Variants in PTPRN2 observed in about 807,000 individuals in gnomAD.
PTPRN2 encodes receptor-type tyrosine-protein phosphatase N2.
In PTPRN2, 74 loss-of-function variants were observed where a neutral mutation model predicts 118.8. The observed-to-expected ratio is 0.62, with a 90% CI of 0.52 to 0.76. The LOEUF (loss-of-function observed/expected upper bound fraction) is 0.76. Ranked by LOEUF, PTPRN2 falls within the 30% of genes least tolerant of loss-of-function variation. The pLI is 0.00. For missense variants in PTPRN2, 1,481 were observed against 1,394.4 expected (o/e 1.06, Z -0.99); for synonymous variants, 641 against 608.0 (o/e 1.05, Z -0.80).
chr7:157,825,158 G>T (rs1449189477), intron 12 of PTPRN2, among the ~76,000 whole-genome samples: 2 of 152,176 alleles, frequency 1.3e-5, no homozygotes, highest in Admixed American at 1.3e-4. Flanking sequence ...CTTGAAGCTG[G>T]ACATGCGACT....
intron 3 of PTPRN2, among the ~76,000 whole-genome samples, chr7:158,248,290 G>C (rs529562232): frequency 6.6e-6 from 1 of 152,060 alleles, no homozygotes; most frequent in East Asian, 1.9e-4. Flanking sequence ...GTAAGAAGCC[G>C]CTGAGCTGCC....
intron 1 of PTPRN2, among the ~76,000 whole-genome samples, chr7:158,566,971 C>T (rs558465767): frequency 6.6e-6 from 1 of 152,302 alleles, no homozygotes; most frequent in South Asian, 2.1e-4. Flanking sequence ...ACCTCAGCCT[C>T]CCAAAGTGCT....
At chr7:158,097,789 G>A (rs1296363897) in intron 10 of PTPRN2, among the ~76,000 whole-genome samples, 2 of 151,832 alleles carry the variant, frequency 1.3e-5, no homozygotes, top group Non-Finnish European at 2.9e-5. Flanking sequence ...GATGTCATAA[G>A]AAATAATGGG....
At chr7:157,723,889 C>T (rs1799380843) in intron 12 of PTPRN2, among the ~76,000 whole-genome samples, 1 of 152,246 alleles carries the variant, frequency 6.6e-6, no homozygotes, top group African/African-American at 2.4e-5. Flanking sequence ...GCACACAACG[C>T]TCAGAGCAGA....
Position 157,893,641 on chromosome 7 carries a change from T to C in PTPRN2, c.1788+5032A>G, listed in dbSNP as rs1480313719. Among the ~76,000 whole-genome samples the C allele has an allele frequency of 1.3e-5, 2 of 152,126 alleles. No homozygotes were observed. The highest frequency in any genetic ancestry group is 4.8e-5 in the African/African-American group (2 of 41,426). Reference sequence around the variant, plus strand: ...ATCAAGAGCCCTGCGTGGCCCACTTTAAGTGTGAGGCTCCTCTACAGATCT... The same window carrying C: ...ATCAAGAGCCCTGCGTGGCCCACTTCAAGTGTGAGGCTCCTCTACAGATCT... On this transcript the variant is annotated intron_variant, in intron 12 of 22. Transcript: ENST00000389418. The surrounding 1 kb of genome is among the most constrained non-coding windows in gnomAD (Gnocchi z 4.0).
At chr7:158,334,412 A>ATAGACGTCACTCAC (rs1805159432) in intron 2 of PTPRN2, among the ~76,000 whole-genome samples, 1 of 2,032 alleles carries the variant, frequency 4.9e-4, no homozygotes, top group African/African-American at 3.1e-3. Flanking sequence ...TAAGAGGTGA[A>ATAGACGTCACTCAC]ACCTGCAGAC....
intron 2 of PTPRN2, among the ~76,000 whole-genome samples, chr7:158,378,668 C>T (rs1810731776): frequency 6.6e-6 from 1 of 151,438 alleles, no homozygotes; most frequent in Admixed American, 6.6e-5. Context: ...CTTTGGAGTC[C>T]AGCACACTCC....
intron 12 of PTPRN2, among the ~76,000 whole-genome samples, chr7:157,714,282 T>C (rs1266158975): frequency 2.6e-5 from 4 of 152,210 alleles, no homozygotes; most frequent in Non-Finnish European, 5.9e-5. Context: ...TTACTGTCAG[T>C]ATAGTACAGT....
chr7:157,672,927 C>T (rs374546434), intron 13 of PTPRN2, among the ~76,000 whole-genome samples: 3 of 152,312 alleles, frequency 2.0e-5, no homozygotes, highest in South Asian at 4.1e-4. Context: ...CTAGCACAGA[C>T]CCAGACACTC....
chr7:157,922,738 G>A (rs1043033497), intron 11 of PTPRN2, among the ~76,000 whole-genome samples: 22 of 152,166 alleles, frequency 1.4e-4, no homozygotes, highest in African/African-American at 5.3e-4. Context: ...CAAGCTCGAT[G>A]TCACGGCACG....
intron 12 of PTPRN2, among the ~76,000 whole-genome samples, chr7:157,704,124 C>T (rs886739077): frequency 1.3e-5 from 2 of 152,184 alleles, no homozygotes; most frequent in African/African-American, 2.4e-5. Context: ...GCCCAGTATA[C>T]ACTGCCATGG....
chr7:158,405,288 C>T (rs1037145156), intron 2 of PTPRN2, among the ~76,000 whole-genome samples: 7 of 152,154 alleles, frequency 4.6e-5, no homozygotes, highest in African/African-American at 1.2e-4. Flanking sequence ...AACACCTAGA[C>T]GAAGGTCAGG....
chr7:157,692,491 C>G (rs1019142244), intron 12 of PTPRN2, among the ~76,000 whole-genome samples: 1 of 152,220 alleles, frequency 6.6e-6, no homozygotes, highest in African/African-American at 2.4e-5. Context: ...GATATGAGTA[C>G]GGTGCCGTCC....
At chr7:158,301,365 G>A (rs1800877575) in intron 3 of PTPRN2, among the ~76,000 whole-genome samples, 1 of 152,156 alleles carries the variant, frequency 6.6e-6, no homozygotes, top group South Asian at 2.1e-4. Context: ...GCATTAATAT[G>A]CGCTCAATTG....
At chr7:158,341,943 T>C (rs1371987192) in intron 2 of PTPRN2, among the ~76,000 whole-genome samples, 3 of 124,876 alleles carry the variant, frequency 2.4e-5, no homozygotes, top group Non-Finnish European at 3.3e-5. Context: ...ATTCTCACCA[T>C]AAGAGCTGTC....
chr7:157,731,569 A>T (rs1166009229), intron 12 of PTPRN2, among the ~76,000 whole-genome samples: 2 of 125,424 alleles, frequency 1.6e-5, no homozygotes, highest in African/African-American at 2.9e-5. Flanking sequence ...CCATGCGCCC[A>T]GCACAGTTAC....
chr7:157,642,833 A>AAAAAAC (rs1804770389), intron 14 of PTPRN2, among the ~76,000 whole-genome samples: 1 of 146,550 alleles, frequency 6.8e-6, no homozygotes, highest in Non-Finnish European at 1.5e-5. Context: ...AAAAAAAAAA[A>AAAAAAC]AAAAAAAAAA....
At chr7:157,817,984 GAT>G (rs959172706) in intron 12 of PTPRN2, among the ~76,000 whole-genome samples, 5 of 152,028 alleles carry the variant, frequency 3.3e-5, no homozygotes, top group East Asian at 1.9e-4. Context: ...GTACATGTGT[GAT>G]ATATGTGTTG....
intron 10 of PTPRN2, among the ~76,000 whole-genome samples, chr7:158,100,512 C>T (rs1327539174): frequency 6.6e-6 from 1 of 152,174 alleles, no homozygotes; most frequent in African/African-American, 2.4e-5. Flanking sequence ...GTTTGCACTC[C>T]CACCAGCAGT....
Sources: allele counts gnomAD v4.1 joint callset (sites outside exome capture counted in the v4.1 genomes callset), GRCh38; gene constraint gnomAD v4.1.1; non-coding constraint Gnocchi (gnomAD v3.1); transcripts MANE v1.5; gene names NCBI Gene and HGNC (gene_info 2026-07-23, HGNC 2026-07-21).